NPAS3: variants seen among roughly 807,000 people sequenced by gnomAD.
NPAS3 encodes neuronal PAS domain protein 3.
In NPAS3, 14 loss-of-function variants were observed where a neutral mutation model predicts 73.1. That is an observed-to-expected ratio of 0.19 (90% confidence interval 0.13 to 0.30). The LOEUF is 0.30. Among genes scored for constraint, NPAS3 ranks in the 10% least tolerant of loss-of-function variants. NPAS3 has a pLI of 1.00. For synonymous variants in NPAS3, 620 were observed against 541.5 expected (o/e 1.14, Z -2.01); for missense variants, 1,096 against 1,250.0 (o/e 0.88, Z 1.86).
chr14:33,787,473 A>G (rs11847832), intron 9 of NPAS3, among the ~76,000 whole-genome samples: 5,522 of 152,174 alleles, frequency 0.036, 336 homozygotes, highest in African/African-American at 0.13. Flanking sequence ...ATTAGGGGGG[A>G]AAATCCATCG....
At chr14:33,295,307 T>C (rs1230946423) in intron 3 of NPAS3, among the ~76,000 whole-genome samples, 1 of 152,178 alleles carries the variant, frequency 6.6e-6, no homozygotes, top group Non-Finnish European at 1.5e-5. Context: ...CTAAAGTTGG[T>C]GTTTTCAATT....
intron 5 of NPAS3, among the ~76,000 whole-genome samples, chr14:33,658,588 T>A (rs1193161991): frequency 2.0e-5 from 3 of 151,938 alleles, no homozygotes; most frequent in Non-Finnish European, 4.4e-5. Context: ...AGTTGGAAAG[T>A]GAGAGAGAGA....
chr14:33,225,906 T>C (rs2047614252), intron 3 of NPAS3, among the ~76,000 whole-genome samples: 1 of 152,188 alleles, frequency 6.6e-6, no homozygotes, highest in Admixed American at 6.6e-5. Flanking sequence ...TTAAAACATA[T>C]TGCAACAACA....
intron 4 of NPAS3, among the ~76,000 whole-genome samples, chr14:33,518,144 A>G (rs933512887): frequency 2.6e-5 from 4 of 152,112 alleles, no homozygotes; most frequent in African/African-American, 9.7e-5. Context: ...AATTAAGTTC[A>G]CTGTATATTC....
intron 4 of NPAS3, among the ~76,000 whole-genome samples, chr14:33,368,024 T>C (rs1159039146): frequency 1.3e-5 from 2 of 152,120 alleles, no homozygotes; most frequent in African/African-American, 4.8e-5. Flanking sequence ...AATGTTGCCA[T>C]GGCCACTTTT....
intron 5 of NPAS3, among the ~76,000 whole-genome samples, chr14:33,640,939 T>C (rs762969022): frequency 3.9e-5 from 6 of 152,228 alleles, no homozygotes; most frequent in Non-Finnish European, 5.9e-5. Context: ...TTAATAAATA[T>C]GTATGTGCAG....
chr14:33,155,066 CT>C (rs2044598994), intron 2 of NPAS3, among the ~76,000 whole-genome samples: 1 of 152,150 alleles, frequency 6.6e-6, no homozygotes, highest in African/African-American at 2.4e-5. Context: ...AACTCACAGA[CT>C]AAACAAAAAC....
chr14:33,012,829 C>T (rs573847082), intron 1 of NPAS3, among the ~76,000 whole-genome samples: 6 of 152,226 alleles, frequency 3.9e-5, no homozygotes, highest in Non-Finnish European at 5.9e-5. Flanking sequence ...GGATTACAGG[C>T]GTGAGCCACA....
At position 33,636,296 on chromosome 14, in the gene NPAS3, T is replaced by C. The variant is rs528232685; in HGVS notation, c.559-39915T>C. On this transcript the variant is annotated intron_variant, in intron 5 of 11. Transcript: ENST00000356141. Reference sequence around the variant, plus strand: ...GTTCACTGGCAGCTTATGGAACGGATGAATGAATCCATTTATGAAAAAGTG... The same window carrying C: ...GTTCACTGGCAGCTTATGGAACGGACGAATGAATCCATTTATGAAAAAGTG... 2.0e-5 allele frequency among the ~76,000 whole-genome samples: 3 copies of C among 152,336 alleles called. No individual in the cohort carries two copies. In the South Asian group the frequency reaches 6.2e-4, roughly 32 times the overall value.
intron 1 of NPAS3, among the ~76,000 whole-genome samples, chr14:32,965,056 A>G (rs962930629): frequency 3.3e-5 from 5 of 152,184 alleles, no homozygotes; most frequent in Non-Finnish European, 7.3e-5. Context: ...AACAAGTAAC[A>G]AGATTGAATC....
intron 4 of NPAS3, among the ~76,000 whole-genome samples, chr14:33,432,260 C>A (rs2048816182): frequency 6.6e-6 from 1 of 152,114 alleles, no homozygotes; most frequent in African/African-American, 2.4e-5. Flanking sequence ...AAATTGGTTT[C>A]CCTTTAGTAA....
In NPAS3 at chr14:33,040,570, C is replaced by T. The variant is rs145105706; in HGVS notation, c.51-15335C>T. ...GCATCAGCAATGATACTTTAATACCCGCCCCCCACAGATCTACATACCAGG... is the reference window on the plus strand; with the variant it reads ...GCATCAGCAATGATACTTTAATACCTGCCCCCCACAGATCTACATACCAGG... On this transcript the variant is annotated intron_variant, in intron 1 of 11. Transcript: ENST00000356141. Among the ~76,000 whole-genome samples, 595 of 151,860 alleles carry T rather than the reference C, an allele frequency of 3.9e-3. 3 individuals carry two copies. Among genetic ancestry groups the T allele is most frequent in the African/African-American group, 0.012 (498 of 41,372 alleles).
At chr14:33,198,198 A>G (rs563029512) in intron 2 of NPAS3, among the ~76,000 whole-genome samples, 1 of 152,218 alleles carries the variant, frequency 6.6e-6, no homozygotes, top group Non-Finnish European at 1.5e-5. Flanking sequence ...GAGCAACAGC[A>G]AGAGTTATTG....
chr14:33,715,776 T>A (rs1366008336), intron 6 of NPAS3, among the ~76,000 whole-genome samples: 1 of 152,216 alleles, frequency 6.6e-6, no homozygotes, highest in Non-Finnish European at 1.5e-5. Flanking sequence ...AATCCCCACG[T>A]GTCATTCGAG....
At chr14:32,940,318 C>T (rs1391470237) in intron 1 of NPAS3, among the ~76,000 whole-genome samples, 1 of 152,222 alleles carries the variant, frequency 6.6e-6, no homozygotes, top group Non-Finnish European at 1.5e-5. Context: ...AACTGTTCTA[C>T]GTGAGTAGCA....
chr14:33,425,291 T>C (rs755338063), intron 4 of NPAS3, among the ~76,000 whole-genome samples: 38 of 151,988 alleles, frequency 2.5e-4, no homozygotes, highest in Non-Finnish European at 5.0e-4. Context: ...TGTATTTAAA[T>C]GAATGAGTGA....
At chr14:33,055,280 A>G (rs1022032343) in intron 1 of NPAS3, among the ~76,000 whole-genome samples, 1 of 152,162 alleles carries the variant, frequency 6.6e-6, no homozygotes, top group African/African-American at 2.4e-5. Flanking sequence ...TTTTGCCTTA[A>G]CTGCCAAGAA....
At chr14:33,765,580 G>C (rs2062435726) in intron 7 of NPAS3, among the ~76,000 whole-genome samples, 1 of 152,126 alleles carries the variant, frequency 6.6e-6, no homozygotes, top group African/African-American at 2.4e-5. Context: ...ATCAGCCAAG[G>C]CTTCCTGCTT....
At chr14:33,225,709 C>G (rs1349140322) in intron 3 of NPAS3, among the ~76,000 whole-genome samples, 1 of 151,916 alleles carries the variant, frequency 6.6e-6, no homozygotes, top group African/African-American at 2.4e-5. Flanking sequence ...ACAACAAGGA[C>G]AATGCATTCT....
Sources: allele counts gnomAD v4.1 joint callset (sites outside exome capture counted in the v4.1 genomes callset), GRCh38; gene constraint gnomAD v4.1.1; transcripts MANE v1.5; gene names NCBI Gene and HGNC (gene_info 2026-07-23, HGNC 2026-07-21).